The following LHFPL3 variants were observed in gnomAD, a reference collection of about 807,000 sequenced individuals.
The protein encoded by LHFPL3 is LHFPL tetraspan subfamily member 3.
A neutral mutation model predicts 19.3 loss-of-function variants in LHFPL3; 5 were observed. The observed-to-expected ratio is 0.26, with a 90% CI of 0.14 to 0.54. The LOEUF (loss-of-function observed/expected upper bound fraction) is 0.54. LHFPL3 is among the 20% of genes least tolerant of loss of function. The pLI is 0.94. For synonymous variants in LHFPL3, 133 were observed against 126.2 expected, an observed-to-expected ratio of 1.05 and a Z score of -0.36; for missense variants, 249 against 307.4, an observed-to-expected ratio of 0.81 and a Z score of 1.42.
intron 1 of LHFPL3, among the ~76,000 whole-genome samples, chr7:104,506,302 C>T (rs41040): frequency 0.024 from 3,470 of 147,364 alleles, 114 homozygotes; most frequent in African/African-American, 0.079. Flanking sequence ...CACATTCCAT[C>T]CCATTTGTTA....
intron 1 of LHFPL3, among the ~76,000 whole-genome samples, chr7:104,707,691 T>G (rs1317553262): frequency 6.6e-6 from 1 of 152,186 alleles, no homozygotes; most frequent in African/African-American, 2.4e-5. Flanking sequence ...CTAGCTCCAT[T>G]CTGGGTTATA....
At chr7:104,812,675 G>T (rs186079712) in intron 2 of LHFPL3, among the ~76,000 whole-genome samples, 1 of 150,902 alleles carries the variant, frequency 6.6e-6, no homozygotes, top group Non-Finnish European at 1.5e-5. Flanking sequence ...GAGGTGTCAG[G>T]CACCTGTAAT....
intron 2 of LHFPL3, among the ~76,000 whole-genome samples, chr7:104,902,416 GAGGAGA>G (rs1792505153): frequency 6.6e-6 from 1 of 151,656 alleles, no homozygotes; most frequent in Admixed American, 6.6e-5. Flanking sequence ...GGAGGAGGGA[GAGGAGA>G]AGGAGGAGGA....
intron 1 of LHFPL3, among the ~76,000 whole-genome samples, chr7:104,605,108 C>G (rs902742057): frequency 6.6e-6 from 1 of 152,296 alleles, no homozygotes; most frequent in Middle Eastern, 3.4e-3. Context: ...CTCTGGTGAT[C>G]TAGGTTTATG....
chr7:104,899,115 A>G (rs190796182), intron 2 of LHFPL3, among the ~76,000 whole-genome samples: 1 of 151,890 alleles, frequency 6.6e-6, no homozygotes, highest in Admixed American at 6.6e-5. Context: ...ATATATATAT[A>G]TATATACTGT....
rs548697891 is a variant in LHFPL3, at chr7:104,811,377, T to A, written c.682+74466T>A. Among the ~76,000 whole-genome samples the A allele has an allele frequency of 1.9e-4, 29 of 152,126 alleles. No homozygotes were observed. In the East Asian group the frequency reaches 4.4e-3, roughly 23 times the overall value. ...GCCTGGCTAATTTTTTAATTTTATT[T>A]TTTTGTAGAGATGAGGTCTCACCAA... On this transcript the variant is annotated intron_variant, in intron 2 of 2. Coordinates refer to ENST00000424859, the MANE Select transcript of LHFPL3 (RefSeq NM_199000.3).
chr7:104,624,757 A>G (rs73413721), intron 1 of LHFPL3, among the ~76,000 whole-genome samples: 1,773 of 152,346 alleles, frequency 0.012, 38 homozygotes, highest in African/African-American at 0.04. Flanking sequence ...AAAATAAAAT[A>G]GAGAATGGCA....
At chr7:104,665,380 T>C (rs1323250423) in intron 1 of LHFPL3, among the ~76,000 whole-genome samples, 1 of 152,230 alleles carries the variant, frequency 6.6e-6, no homozygotes, top group East Asian at 1.9e-4. Context: ...AGGAGGATAA[T>C]ATGGTTTAGA....
chr7:104,424,308 C>G (rs1408075311), intron 1 of LHFPL3, among the ~76,000 whole-genome samples: 1 of 152,146 alleles, frequency 6.6e-6, no homozygotes, highest in Admixed American at 6.5e-5. Context: ...GTTGGGGAAT[C>G]AGATGGTTGT....
chr7:104,488,659 A>C (rs1294928904), intron 1 of LHFPL3, among the ~76,000 whole-genome samples: 1 of 152,178 alleles, frequency 6.6e-6, no homozygotes, highest in Non-Finnish European at 1.5e-5. Flanking sequence ...TCAGCTGACC[A>C]TGAAGGAGGT....
At chr7:104,340,984 C>A (rs1017836102) in intron 1 of LHFPL3, among the ~76,000 whole-genome samples, 2 of 152,182 alleles carry the variant, frequency 1.3e-5, no homozygotes, top group African/African-American at 4.8e-5. Context: ...GTCATTCTTA[C>A]TAAGTTCTTC....
intron 1 of LHFPL3, among the ~76,000 whole-genome samples, chr7:104,349,039 T>C (rs1018984661): frequency 1.3e-5 from 2 of 152,048 alleles, no homozygotes; most frequent in East Asian, 3.9e-4. Context: ...TTATCCTCCT[T>C]CTCTTCTTCA....
intron 2 of LHFPL3, among the ~76,000 whole-genome samples, chr7:104,872,299 T>C (rs559318370): frequency 9.9e-5 from 15 of 151,548 alleles, no homozygotes; most frequent in South Asian, 2.1e-4. Flanking sequence ...ATTGTGCCAC[T>C]TTGCTCCAGC....
chr7:104,457,938 C>A (rs1371604427), intron 1 of LHFPL3, among the ~76,000 whole-genome samples: 1 of 142,602 alleles, frequency 7.0e-6, no homozygotes, highest in African/African-American at 2.6e-5. Flanking sequence ...TGTTCATATC[C>A]TTCACCCACT....
intron 1 of LHFPL3, among the ~76,000 whole-genome samples, chr7:104,492,719 T>C (rs917871777): frequency 4.6e-5 from 7 of 152,272 alleles, no homozygotes; most frequent in African/African-American, 7.2e-5. Context: ...GACATTTGTC[T>C]TATAACAGTC....
chr7:104,844,286 T>A (rs1026829827), intron 2 of LHFPL3, among the ~76,000 whole-genome samples: 2 of 152,226 alleles, frequency 1.3e-5, no homozygotes, highest in African/African-American at 2.4e-5. Flanking sequence ...ATGGAGGCAA[T>A]TGAGAAAATG....
chr7:104,530,321 C>T (rs1452616350), intron 1 of LHFPL3, among the ~76,000 whole-genome samples: 1 of 152,200 alleles, frequency 6.6e-6, no homozygotes. Context: ...TCACTTTGTG[C>T]TGGAGGCCAT....
At chr7:104,775,832 C>T (rs571367882) in intron 2 of LHFPL3, among the ~76,000 whole-genome samples, 1 of 142,738 alleles carries the variant, frequency 7.0e-6, no homozygotes, top group South Asian at 2.3e-4. Flanking sequence ...CTTCTAGGTT[C>T]CCTGGGAGTT....
intron 1 of LHFPL3, among the ~76,000 whole-genome samples, chr7:104,615,721 G>A (rs896173978): frequency 5.6e-5 from 7 of 125,644 alleles, no homozygotes; most frequent in East Asian, 2.7e-4. Flanking sequence ...TTCCCCTCCC[G>A]GTGTCCATGT....
Sources: allele counts gnomAD v4.1 joint callset (sites outside exome capture counted in the v4.1 genomes callset), GRCh38; gene constraint gnomAD v4.1.1; transcripts MANE v1.5; gene names NCBI Gene and HGNC (gene_info 2026-07-23, HGNC 2026-07-21).